Variants in DLGAP1 observed in about 807,000 individuals in gnomAD.
The protein encoded by DLGAP1 is DLG associated protein 1, also known as disks large-associated protein 1.
In DLGAP1, 11 loss-of-function variants were observed where a neutral mutation model predicts 90.8. The observed-to-expected ratio is 0.12, with a 90% CI of 0.08 to 0.20. The LOEUF (loss-of-function observed/expected upper bound fraction) is 0.20. Among genes scored for constraint, DLGAP1 ranks in the 10% least tolerant of loss-of-function variants. The probability of loss-of-function intolerance (pLI) is 1.00; values close to 1 mark genes in which losing one functional copy is unlikely to be tolerated. For missense variants in DLGAP1, 1,050 were observed against 1,333.8 expected (o/e 0.79, Z 3.31); for synonymous variants, 558 against 540.7 (o/e 1.03, Z -0.44).
chr18:3,673,700 C>A lies in DLGAP1; in HGVS notation c.1591+55435G>T, dbSNP rs557752847. ...CAGCTGGGACTACAGGCATGCGCCA[C>A]CATGCCCAGCTAATTTTTTATTTTT... On this transcript the variant is annotated intron_variant, in intron 7 of 12. Coordinates refer to ENST00000315677, the MANE Select transcript of DLGAP1 (RefSeq NM_004746.4). Among the ~76,000 whole-genome samples the A allele has an allele frequency of 6.1e-4, 92 of 151,798 alleles. 1 individual carries two copies. The highest frequency in any genetic ancestry group is 3.4e-3 in the Middle Eastern group (1 of 292).
chr18:4,335,056 G>T (rs1157409067), intron 1 of DLGAP1, among the ~76,000 whole-genome samples: 1 of 151,864 alleles, frequency 6.6e-6, no homozygotes, highest in Non-Finnish European at 1.5e-5. Flanking sequence ...CTTGGTTCAA[G>T]AATCTCTCTT....
chr18:3,909,975 T>C (rs2071996509), intron 3 of DLGAP1, among the ~76,000 whole-genome samples: 1 of 152,038 alleles, frequency 6.6e-6, no homozygotes, highest in African/African-American at 2.4e-5. Context: ...GCTTTCTTGA[T>C]CTAGTGTCAT....
At chr18:3,636,436 C>T (rs772635030) in intron 7 of DLGAP1, among the ~76,000 whole-genome samples, 24 of 151,744 alleles carry the variant, frequency 1.6e-4, no homozygotes, top group African/African-American at 3.9e-4. Flanking sequence ...TTTTTTGAGA[C>T]GGAGTCTCGC....
At chr18:3,979,952 A>G (rs2073689473) in intron 3 of DLGAP1, among the ~76,000 whole-genome samples, 1 of 152,162 alleles carries the variant, frequency 6.6e-6, no homozygotes, top group Non-Finnish European at 1.5e-5. Context: ...CCTGGCCAAC[A>G]TGGTGAAACT....
At chr18:4,198,204 G>T (rs1413866124) in intron 1 of DLGAP1, among the ~76,000 whole-genome samples, 1 of 152,148 alleles carries the variant, frequency 6.6e-6, no homozygotes, top group Non-Finnish European at 1.5e-5. Context: ...CTGGGCGACA[G>T]AGTGAGACTC....
intron 1 of DLGAP1, among the ~76,000 whole-genome samples, chr18:4,152,193 T>C (rs1479293636): frequency 6.6e-6 from 1 of 152,216 alleles, no homozygotes; most frequent in Non-Finnish European, 1.5e-5. Flanking sequence ...AAGGTCTGTT[T>C]CTATTTTTTT....
At chr18:4,367,956 C>T (rs2081815765) in intron 1 of DLGAP1, among the ~76,000 whole-genome samples, 1 of 147,132 alleles carries the variant, frequency 6.8e-6, no homozygotes, top group South Asian at 2.1e-4. Context: ...CTTGATGAAT[C>T]AAAAATTTGA....
intron 1 of DLGAP1, among the ~76,000 whole-genome samples, chr18:4,197,295 G>A: frequency 6.6e-6 from 1 of 151,816 alleles, no homozygotes; most frequent in East Asian, 1.9e-4. Context: ...TACAGAGATA[G>A]GAAATATAAA....
intron 3 of DLGAP1, among the ~76,000 whole-genome samples, chr18:3,888,115 A>AAAAAAAAAAAAAAAAAAAAC (rs1405838234): frequency 1.0e-4 from 15 of 146,790 alleles, no homozygotes; most frequent in African/African-American, 3.9e-4. Context: ...CTCAAAAAAA[A>AAAAAAAAAAAAAAAAAAAAC]AAAAAAAAAA....
At position 3,660,999 on chromosome 18, in the gene DLGAP1, G is replaced by C. The variant is rs1349050105; in HGVS notation, c.1591+68136C>G. On this transcript the variant is annotated intron_variant, in intron 7 of 12. Coordinates refer to ENST00000315677, the MANE Select transcript of DLGAP1 (RefSeq NM_004746.4). This position sits in a 1 kb window ranked among gnomAD's most constrained non-coding sequence, Gnocchi z 4.2. Reference sequence around the variant, plus strand: ...TCAGCCTTTAATATCCTTTTTCTAAGTTATTCCCATGCTGCAGGTGGAGAG... The same window carrying C: ...TCAGCCTTTAATATCCTTTTTCTAACTTATTCCCATGCTGCAGGTGGAGAG... Among the ~76,000 whole-genome samples, 1 of 152,184 alleles carries C rather than the reference G, an allele frequency of 6.6e-6. No homozygotes were observed. Among genetic ancestry groups the C allele is most frequent in the Non-Finnish European group, 1.5e-5 (1 of 68,028 alleles).
intron 4 of DLGAP1, among the ~76,000 whole-genome samples, chr18:3,826,083 C>T (rs1018528985): frequency 1.3e-4 from 20 of 152,118 alleles, no homozygotes; most frequent in African/African-American, 3.9e-4. Flanking sequence ...GATGACTACA[C>T]ACAGACATAA....
chr18:3,714,129 AC>A (rs1346510160), intron 7 of DLGAP1, among the ~76,000 whole-genome samples: 1 of 152,236 alleles, frequency 6.6e-6, no homozygotes, highest in Non-Finnish European at 1.5e-5. Flanking sequence ...TTTTAAAAAA[AC>A]AATTTTGATT....
chr18:4,189,057 T>C (rs1025140750), intron 1 of DLGAP1, among the ~76,000 whole-genome samples: 5 of 152,156 alleles, frequency 3.3e-5, no homozygotes, highest in African/African-American at 1.2e-4. Flanking sequence ...TATGTTCTTT[T>C]CTGATTTGTA....
intron 1 of DLGAP1, among the ~76,000 whole-genome samples, chr18:4,268,784 C>A (rs144385416): frequency 5.3e-5 from 8 of 152,196 alleles, no homozygotes; most frequent in Non-Finnish European, 1.2e-4. Flanking sequence ...ATGTCTGCTT[C>A]TTGCTTGAAA....
At chr18:3,707,770 C>T (rs1298511689) in intron 7 of DLGAP1, among the ~76,000 whole-genome samples, 3 of 152,102 alleles carry the variant, frequency 2.0e-5, no homozygotes, top group Non-Finnish European at 4.4e-5. Flanking sequence ...AGGATTATGT[C>T]TGCCTGATTG....
chr18:4,203,796 C>T (rs1475162168), intron 1 of DLGAP1, among the ~76,000 whole-genome samples: 1 of 152,146 alleles, frequency 6.6e-6, no homozygotes, highest in Non-Finnish European at 1.5e-5. Flanking sequence ...GAAATATACA[C>T]ATCTAATTAC....
rs113686862 is a variant in DLGAP1, at chr18:3,833,466, C to T, written c.958-19193G>A. On this transcript the variant is annotated intron_variant, in intron 4 of 12. Coordinates refer to ENST00000315677, the MANE Select transcript of DLGAP1 (RefSeq NM_004746.4). ...CCAGGCTTGTCTCAAACTCCTGACC[C>T]TCAAGTGATCTGCCCGCCTCAGCCT... Among the ~76,000 whole-genome samples the T allele has an allele frequency of 2.0e-5, 3 of 152,236 alleles. 1 individual carries two copies. Among genetic ancestry groups the T allele is most frequent in the African/African-American group, 7.2e-5 (3 of 41,536 alleles).
intron 4 of DLGAP1, among the ~76,000 whole-genome samples, chr18:3,823,027 A>G (rs2067507855): frequency 6.6e-6 from 1 of 152,140 alleles, no homozygotes; most frequent in African/African-American, 2.4e-5. Context: ...AATTTTATTA[A>G]TTATTCACCC....
At chr18:4,224,619 G>C (rs2078147010) in intron 1 of DLGAP1, among the ~76,000 whole-genome samples, 1 of 151,906 alleles carries the variant, frequency 6.6e-6, no homozygotes. Context: ...CTCTGCTTGT[G>C]GAAAGGGGAG....
Sources: allele counts gnomAD v4.1 joint callset (sites outside exome capture counted in the v4.1 genomes callset), GRCh38; gene constraint gnomAD v4.1.1; non-coding constraint Gnocchi (gnomAD v3.1); transcripts MANE v1.5; gene names NCBI Gene and HGNC (gene_info 2026-07-23, HGNC 2026-07-21).